The following MBP variants were observed in gnomAD, a reference collection of about 807,000 sequenced individuals.
The protein encoded by MBP is myelin basic protein, also known as Golli-MBP.
Under a neutral mutation model 35.8 loss-of-function variants are expected in MBP, and 16 were observed. That is an observed-to-expected ratio of 0.45 (90% CI 0.30 to 0.68). The LOEUF is 0.68. MBP is among the 30% of genes least tolerant of loss of function. MBP has a pLI of 0.08. For synonymous variants in MBP, 143 were observed against 159.6 expected (o/e 0.90, Z 0.78); for missense variants, 380 against 404.7 (o/e 0.94, Z 0.52).
At chr18:77,013,848 T>C in intron 4 of MBP, 1 of 985,440 alleles carries the variant, frequency 1.0e-6, no homozygotes, top group East Asian at 1.1e-4. Flanking sequence ...GAAACCTTAC[T>C]TCCTCCACAT....
At chr18:77,071,402 T>C (rs1281791417) in intron 2 of MBP, among the ~76,000 whole-genome samples, 2 of 151,020 alleles carry the variant, frequency 1.3e-5, no homozygotes, top group Middle Eastern at 3.4e-3. Flanking sequence ...TTAGGAGATG[T>C]CCTAAGCTTG....
At chr18:77,107,799 C>G (rs1976326429) in intron 1 of MBP, among the ~76,000 whole-genome samples, 1 of 152,230 alleles carries the variant, frequency 6.6e-6, no homozygotes, top group South Asian at 2.1e-4. Flanking sequence ...CCAGATCAGA[C>G]TTTTGAATAC....
intron 3 of MBP, among the ~76,000 whole-genome samples, chr18:77,029,887 G>T (rs920836669): frequency 1.3e-5 from 2 of 151,866 alleles, no homozygotes; most frequent in Non-Finnish European, 2.9e-5. Context: ...TAATTTTCCT[G>T]GCTCAAAAAT....
At chr18:77,116,619 C>T (rs186756650) in intron 1 of MBP, among the ~76,000 whole-genome samples, 198 of 152,280 alleles carry the variant, frequency 1.3e-3, no homozygotes, top group Middle Eastern at 3.4e-3. Context: ...ACTTTACAGA[C>T]GTTGAAACTC....
intron 4 of MBP, among the ~76,000 whole-genome samples, chr18:76,999,685 G>A (rs1276149527): frequency 6.6e-6 from 1 of 152,098 alleles, no homozygotes; most frequent in Non-Finnish European, 1.5e-5. Flanking sequence ...CTGGCCTCAA[G>A]CAATCCACCC....
chr18:77,106,783 T>C (rs1976293345), intron 1 of MBP, among the ~76,000 whole-genome samples: 1 of 152,184 alleles, frequency 6.6e-6, no homozygotes, highest in African/African-American at 2.4e-5. Context: ...TGTATGATTT[T>C]AAAAACGCAA....
Position 77,060,447 on chromosome 18 carries a change from C to CT in MBP, c.139+5850_139+5851insA, listed in dbSNP as rs1973928494. 6.4e-5 allele frequency among the ~76,000 whole-genome samples: 5 copies of CT among 77,726 alleles called. No homozygotes were observed. The South Asian group carries it at 1.2e-3, about 19-fold the overall frequency. 51.0% of individuals were successfully genotyped at this position (77,726 alleles called of 152,430 possible). A position where few individuals can be genotyped will look rare whatever the true frequency, so the allele number is the denominator to read the frequency against. ...GAGTATAACTGTTTTCTCTCTCTCT[C>CT]CTTTTTTTTTTTTTTTTTTTTATGA... On this transcript the variant is annotated intron_variant, in intron 3 of 8. Transcript: ENST00000355994.
chr18:77,130,354 C>G (rs1977200050), intron 1 of MBP, among the ~76,000 whole-genome samples: 1 of 151,222 alleles, frequency 6.6e-6, no homozygotes, highest in Non-Finnish European at 1.5e-5. Context: ...TCTTGTGTGC[C>G]CTTAGAGTAA....
chr18:77,009,104 G>T (rs1449507324), intron 4 of MBP, among the ~76,000 whole-genome samples: 3 of 152,216 alleles, frequency 2.0e-5, no homozygotes, highest in Admixed American at 2.0e-4. Flanking sequence ...TCTGGAGGGG[G>T]GCCTGGTGGA....
chr18:77,067,092 A>G (rs1974230344), intron 2 of MBP, among the ~76,000 whole-genome samples: 1 of 152,226 alleles, frequency 6.6e-6, no homozygotes, highest in African/African-American at 2.4e-5. Flanking sequence ...TTCCTGATAT[A>G]TTTGTAATCA....
intron 7 of MBP, chr18:76,986,091 G>A: frequency 1.0e-6 from 1 of 985,576 alleles, no homozygotes; most frequent in African/African-American, 1.7e-5. Flanking sequence ...GTTAACAATG[G>A]GGGGCGAAGT....
intron 4 of MBP, among the ~76,000 whole-genome samples, chr18:77,001,866 A>G (rs1970654773): frequency 6.6e-6 from 1 of 151,350 alleles, no homozygotes; most frequent in African/African-American, 2.4e-5. Flanking sequence ...AAGAAAAGAA[A>G]AAAAGCCTGT....
Position 77,125,772 on chromosome 18 carries a change from G to A in MBP, c.-26+6808C>T, listed in dbSNP as rs189603044. Among the ~76,000 whole-genome samples the A allele has an allele frequency of 2.0e-5, 3 of 151,298 alleles. No individual in the cohort carries two copies. The East Asian group carries it at 5.8e-4, about 29-fold the overall frequency. Reference sequence around the variant, plus strand: ...TTTTTTTGTATCAAAACTTTTACTCGATAAAATATGTACACCTAGTTCAGT... The same window carrying A: ...TTTTTTTGTATCAAAACTTTTACTCAATAAAATATGTACACCTAGTTCAGT... On this transcript the variant is annotated intron_variant, in intron 1 of 8. Coordinates refer to ENST00000355994, the MANE Select transcript of MBP (RefSeq NM_001025101.2).
chr18:77,016,520 T>C (rs762925515), intron 4 of MBP: 1 of 1,223,776 alleles, frequency 8.2e-7, no homozygotes, highest in Non-Finnish European at 1.0e-6. Context: ...ACCCTGAGAA[T>C]GTGGCTCTCT....
intron 3 of MBP, among the ~76,000 whole-genome samples, chr18:77,049,690 A>AT (rs1193927212): frequency 1.3e-5 from 2 of 150,954 alleles, no homozygotes; most frequent in Admixed American, 6.6e-5. Flanking sequence ...ATTTTATTTT[A>AT]TTTTTTTTGA....
At chr18:77,133,652 T>G (rs1977357420), upstream of MBP, 1 of 152,232 alleles carries the variant, frequency 6.6e-6, no homozygotes, top group Non-Finnish European at 1.5e-5. Flanking sequence ...GGGATCTGGA[T>G]CTGGAGCTTC....
At chr18:76,990,596 G>A (rs563975498) in intron 4 of MBP, among the ~76,000 whole-genome samples, 1 of 152,298 alleles carries the variant, frequency 6.6e-6, no homozygotes, top group Admixed American at 6.5e-5. Flanking sequence ...CAGGCTTGAG[G>A]ACAAGGCCCA....
rs1969686536 is a variant in MBP at position 76,988,370 on chromosome 18, G to T, written c.750+125C>A. ...GGCGGCCCGATCCCAGCTGTGGGCAGAGAGGTCTCGAGAGGAGAGAAAAGG... is the reference window on the plus strand; with the variant it reads ...GGCGGCCCGATCCCAGCTGTGGGCATAGAGGTCTCGAGAGGAGAGAAAAGG... On this transcript the variant is annotated intron_variant, in intron 7 of 8. Transcript: ENST00000355994. The surrounding 1 kb of genome is among the most constrained non-coding windows in gnomAD (Gnocchi z 5.2). The T allele has an allele frequency of 6.2e-7, 1 of 1,612,618 alleles. No individual in the cohort carries two copies. Among genetic ancestry groups the T allele is most frequent in the Non-Finnish European group, 8.5e-7 (1 of 1,179,272 alleles).
At chr18:77,036,603 T>C in intron 3 of MBP, among the ~76,000 whole-genome samples, 1 of 117,076 alleles carries the variant, frequency 8.5e-6, no homozygotes, top group Non-Finnish European at 1.7e-5. Flanking sequence ...CAAGTGCTGG[T>C]CACATTTTGG....
Sources: gnomAD v4.1 joint callset for allele counts (sites outside exome capture counted in the v4.1 genomes callset) on GRCh38, gnomAD v4.1.1 for gene constraint, Gnocchi (gnomAD v3.1) non-coding constraint, MANE v1.5 for transcripts, NCBI Gene and HGNC (gene_info 2026-07-23, HGNC 2026-07-21) for gene names.